CTSA: variants seen among roughly 807,000 people sequenced by gnomAD.
CTSA encodes cathepsin A.
In CTSA, 42 loss-of-function variants were observed where a neutral mutation model predicts 66.7. That is an observed-to-expected ratio of 0.63 (90% CI 0.49 to 0.81). The LOEUF (loss-of-function observed/expected upper bound fraction) is 0.81. CTSA is among the 40% of genes least tolerant of loss of function. CTSA has a pLI of 0.00. For missense variants in CTSA, 525 were observed against 610.9 expected (o/e 0.86, Z 1.48); for synonymous variants, 225 against 248.6 (o/e 0.91, Z 0.89).
At chr20:45,894,488 C>T (rs1949081574) in intron 8 of CTSA, among the ~76,000 whole-genome samples, 162 bp from the exon 9 acceptor site, 1 of 152,184 alleles carries the variant, frequency 6.6e-6, no homozygotes, top group Non-Finnish European at 1.5e-5. Flanking sequence ...GATTTGGACC[C>T]AGGTCTGGGA....
In CTSA at chr20:45,898,495, C is replaced by A; in HGVS notation, c.*45C>A. The A allele has an allele frequency of 6.3e-7, 1 of 1,574,890 alleles. No homozygotes were observed. Among genetic ancestry groups the A allele is most frequent in the Non-Finnish European group, 8.7e-7 (1 of 1,146,430 alleles). The stretch of plus-strand genomic sequence containing the variant: ...CACGGCCTGATGCAGCCCCTCCCAG[C>A]CTCTCCCGCTAGGAGAGTCCTCTTC... On this transcript the variant is annotated 3_prime_UTR_variant, in exon 15 of 15. Transcript: ENST00000646241. The surrounding 1 kb of genome is among the most constrained non-coding windows in gnomAD (Gnocchi z 4.6).
rs964386673 is a variant in CTSA at position 45,898,649 on chromosome 20, CA to C, written c.*200del. On this transcript the variant is annotated 3_prime_UTR_variant, in exon 15 of 15. Coordinates refer to ENST00000646241, the MANE Select transcript of CTSA (RefSeq NM_000308.4). This position sits in a 1 kb window ranked among gnomAD's most constrained non-coding sequence, Gnocchi z 4.6. The stretch of plus-strand genomic sequence containing the variant: ...GGGGCAAGTTAGCACTTTATTCCCG[CA>C]GCAGTTCCTGAATGGGGTGGCCTGG... 1.4e-5 allele frequency: 10 copies of C among 693,502 alleles called. No homozygotes were observed. In the Admixed American group the frequency reaches 2.2e-4, roughly 15 times the overall value. 43.0% of individuals were successfully genotyped at this position (693,502 alleles called of 1,614,324 possible).
chr20:45,897,889 G>A, intron 13 of CTSA, 83 bp downstream of exon 13: 1 of 1,512,068 alleles, frequency 6.6e-7, no homozygotes. Flanking sequence ...CCAGCTGGCT[G>A]CCTGGCTCTG....
chr20:45,898,656 TC>T lies in CTSA; in HGVS notation c.*208del. The T allele has an allele frequency of 1.5e-6, 1 of 686,020 alleles. No individual in the cohort carries two copies. 42.5% of individuals were successfully genotyped at this position (686,020 alleles called of 1,614,324 possible). A position where few individuals can be genotyped will look rare whatever the true frequency, so the allele number is the denominator to read the frequency against. On this transcript the variant is annotated 3_prime_UTR_variant, in exon 15 of 15. Coordinates refer to ENST00000646241, the MANE Select transcript of CTSA (RefSeq NM_000308.4). This position sits in a 1 kb window ranked among gnomAD's most constrained non-coding sequence, Gnocchi z 4.6. ...GTTAGCACTTTATTCCCGCAGCAGT[TC>T]CTGAATGGGGTGGCCTGGCCCCTTC... is the stretch of plus-strand genomic sequence containing the variant.
intron 11 of CTSA, 181 bp downstream of exon 11, chr20:45,895,314 T>G (rs1276722789): frequency 1.4e-6 from 1 of 739,254 alleles, no homozygotes; most frequent in Non-Finnish European, 2.2e-6. Context: ...CTTTTATCTT[T>G]TTTAAATTTA....
chr20:45,891,924 A>G lies in CTSA; in HGVS notation c.203A>G (p.Glu68Gly), dbSNP rs927047103. 6.2e-7 allele frequency: 1 copy of G among 1,613,958 alleles called. No individual in the cohort carries two copies. The highest frequency in any genetic ancestry group is 8.5e-7 in the Non-Finnish European group (1 of 1,179,898). The change falls in exon 3 of 15, where the codon GAG becomes GGG. Residue 68 changes from glutamate (E) to glycine (G), a missense_variant. Physicochemically the swap from Glu to Gly is moderately conservative, Grantham distance 98. Transcript: ENST00000646241. The surrounding 1 kb of genome is among the most constrained non-coding windows in gnomAD (Gnocchi z 4.6). ...GSKHLHYWFV[E>G]SQKDPENSPV... ...CCTGACCCCCCTCCCAGGTTTGTGG[A>G]GTCCCAGAAGGATCCCGAGAACAGC...
Position 45,893,279 on chromosome 20 carries a change from C to T in CTSA, c.660C>T (p.Tyr220=). Residue 220 remains tyrosine (Y), a synonymous_variant, in exon 7 of 15, where the codon TAC becomes TAT. Transcript: ENST00000646241. ...AGCAGAATGACAACTCCCTGGTCTA[C>T]TTTGCCTACTACCATGGCCTTCTGG... ...SYEQNDNSLV[Y]FAYYHGLLGN... The T allele has an allele frequency of 1.9e-6, 3 of 1,614,110 alleles. No individual in the cohort carries two copies. Among genetic ancestry groups the T allele is most frequent in the Non-Finnish European group, 1.7e-6 (2 of 1,179,998 alleles).
At chr20:45,893,379 A>G in intron 7 of CTSA, 68 bp downstream of exon 7, 1 of 1,206,032 alleles carries the variant, frequency 8.3e-7, no homozygotes, top group East Asian at 2.3e-5. Context: ...TCTGTCCTCC[A>G]GGCACATGAT....
At position 45,896,991 on chromosome 20, in the gene CTSA, G is replaced by A. The variant is rs751619411; in HGVS notation, c.1115G>A (p.Arg372His). Residue 372 changes from arginine to histidine, a missense_variant, in exon 12 of 15, where the codon CGT becomes CAT. This residue lies in a region of CTSA where 274 missense variants were observed against 321.1 expected (regional missense o/e 0.85). Transcript: ENST00000646241. ...CNFLVNLQYR[R>H]LYRSMNSQYL... Reference sequence around the variant, plus strand: ...TTTCTGGTAAACTTACAGTACCGCCGTCTCTACCGAAGCATGAACTCCCAG... The same window carrying A: ...TTTCTGGTAAACTTACAGTACCGCCATCTCTACCGAAGCATGAACTCCCAG... 9 of 1,613,952 alleles carry A rather than the reference G, an allele frequency of 5.6e-6. No homozygotes were observed. Among genetic ancestry groups the A allele is most frequent in the South Asian group, 3.3e-5 (3 of 91,078 alleles).
Position 45,898,225 on chromosome 20 carries a change from T to C in CTSA, c.1359+116T>C. On this transcript the variant is annotated intron_variant, in intron 14 of 14. Transcript: ENST00000646241. This position sits in a 1 kb window ranked among gnomAD's most constrained non-coding sequence, Gnocchi z 4.6. ...GTCATGGGTCACCATCTGGCCCCTG[T>C]ATGGGCAAGTTTTTTTGGAGAGGGG... 7.4e-7 allele frequency: 1 copy of C among 1,351,390 alleles called. No individual in the cohort carries two copies. The highest frequency in any genetic ancestry group is 1.0e-6 in the Non-Finnish European group (1 of 959,662). 83.7% of individuals were successfully genotyped at this position (1,351,390 alleles called of 1,614,324 possible). A position where few individuals can be genotyped will look rare whatever the true frequency, so the allele number is the denominator to read the frequency against.
At position 45,891,448 on chromosome 20, in the gene CTSA, G is replaced by T. The variant is rs1311130107; in HGVS notation, c.-1+69G>T. ...TCGGTGCGCGGCAGAGGAGGCTCGC[G>T]GGTGGGAGCTGGCGCTGGGGCCGGG... is the stretch of plus-strand genomic sequence containing the variant. On this transcript the variant is annotated intron_variant, in intron 1 of 14. Transcript: ENST00000646241. The surrounding 1 kb of genome is among the most constrained non-coding windows in gnomAD (Gnocchi z 4.6). 6.5e-7 allele frequency: 1 copy of T among 1,546,620 alleles called. No homozygotes were observed. Among genetic ancestry groups the T allele is most frequent in the South Asian group, 1.2e-5 (1 of 84,264 alleles).
Position 45,898,464 on chromosome 20 carries a change from C to G in CTSA, c.*14C>G, listed in dbSNP as rs373417551. ...CAGCCATACTGATGACCACAGCAACCAGCTCCACGGCCTGATGCAGCCCCT... is the reference window on the plus strand; with the variant it reads ...CAGCCATACTGATGACCACAGCAACGAGCTCCACGGCCTGATGCAGCCCCT... On this transcript the variant is annotated 3_prime_UTR_variant, in exon 15 of 15. Coordinates refer to ENST00000646241, the MANE Select transcript of CTSA (RefSeq NM_000308.4). This position sits in a 1 kb window ranked among gnomAD's most constrained non-coding sequence, Gnocchi z 4.6. The G allele has an allele frequency of 1.2e-6, 2 of 1,612,460 alleles. No homozygotes were observed. The highest frequency in any genetic ancestry group is 1.7e-6 in the Non-Finnish European group (2 of 1,178,892).
chr20:45,898,285 A>G lies in CTSA; in HGVS notation c.1360-82A>G. The G allele has an allele frequency of 7.2e-7, 1 of 1,393,082 alleles. No homozygotes were observed. Among genetic ancestry groups the G allele is most frequent in the Non-Finnish European group, 1.0e-6 (1 of 996,294 alleles). The allele number at this position is 1,393,082 out of a possible 1,614,324, so 86.3% of individuals were successfully genotyped here. ...TTCTGGGAAGAATAAAGGGTTTGGG[A>G]TGAAGGAATTGCCCCCGAGTGAGCA... On this transcript the variant is annotated intron_variant, in intron 14 of 14. Transcript: ENST00000646241. This position sits in a 1 kb window ranked among gnomAD's most constrained non-coding sequence, Gnocchi z 4.6.
chr20:45,893,872 T>C (rs1987099096), intron 7 of CTSA, 116 bp from the exon 8 acceptor site: 1 of 765,948 alleles, frequency 1.3e-6, no homozygotes, highest in South Asian at 1.4e-5. Flanking sequence ...CCCTGTGATA[T>C]CTTTCCCAGT....
chr20:45,894,687 T>C lies in CTSA; in HGVS notation c.815T>C (p.Leu272Pro). The C allele has an allele frequency of 6.2e-7, 1 of 1,614,184 alleles. No individual in the cohort carries two copies. The highest frequency in any genetic ancestry group is 2.2e-5 in the East Asian group (1 of 44,882). ...EVARIVGNSG[L>P]NIYNLYAPCA... ...GCCCGCATCGTGGGCAACTCTGGCC[T>C]CAACATCTACAATCTCTATGCCCCG... The change falls in exon 9 of 15, where the codon CTC becomes CCC. Residue 272 changes from leucine to proline, a missense_variant. By Grantham distance (98) the Leu-to-Pro change is moderately conservative. Around this residue, in one of 3 missense-constraint regions of CTSA, gnomAD observed 274 missense variants for 321.1 expected, o/e 0.85. Transcript: ENST00000646241.
At position 45,894,751 on chromosome 20, in the gene CTSA, G is replaced by A; in HGVS notation, c.869+10G>A. 1 of 1,613,890 alleles carries A rather than the reference G, an allele frequency of 6.2e-7. No individual in the cohort carries two copies. Among genetic ancestry groups the A allele is most frequent in the Non-Finnish European group, 8.5e-7 (1 of 1,179,876 alleles). On this transcript the variant is annotated intron_variant, in intron 9 of 14. Transcript: ENST00000646241. The stretch of plus-strand genomic sequence containing the variant: ...TGCCCAGCCATTTTAGGTAGGTGCT[G>A]CTGGGTGCCCCTGGAGCCAACCCCA...
intron 11 of CTSA, 196 bp from the exon 12 acceptor site, chr20:45,896,769 G>A: frequency 1.6e-6 from 1 of 630,994 alleles, no homozygotes; most frequent in Non-Finnish European, 2.9e-6. Flanking sequence ...GGTGAGTTGA[G>A]GCTGTCTGAA....
In CTSA at chr20:45,898,169, G is replaced by C; in HGVS notation, c.1359+60G>C. 1.9e-6 allele frequency: 3 copies of C among 1,550,936 alleles called. No individual in the cohort carries two copies. The highest frequency in any genetic ancestry group is 2.7e-6 in the Non-Finnish European group (3 of 1,125,082). ...GGAGGCAAAGGAGCAGGACCCACCC[G>C]TCCTTTCCCTCTGGCTGCCTTTTAG... On this transcript the variant is annotated intron_variant, in intron 14 of 14. Coordinates refer to ENST00000646241, the MANE Select transcript of CTSA (RefSeq NM_000308.4). The surrounding 1 kb of genome is among the most constrained non-coding windows in gnomAD (Gnocchi z 4.6).
intron 5 of CTSA, 55 bp downstream of exon 5, chr20:45,892,539 A>G (rs1987020935): frequency 6.4e-7 from 1 of 1,566,908 alleles, no homozygotes; most frequent in Admixed American, 1.7e-5. Context: ...CATCCATGGC[A>G]TGATGCTGGG....
Sources: gnomAD v4.1 joint callset for allele counts (sites outside exome capture counted in the v4.1 genomes callset) on GRCh38, gnomAD v4.1.1 for gene constraint, gnomAD v4.1.1 regional missense constraint, Gnocchi (gnomAD v3.1) non-coding constraint, MANE v1.5 for transcripts, NCBI Gene and HGNC (gene_info 2026-07-23, HGNC 2026-07-21) for gene names.